The following LTBP2 variants were observed in gnomAD, a reference collection of about 807,000 sequenced individuals.
LTBP2 encodes latent transforming growth factor beta binding protein 2.
A neutral mutation model predicts 210.6 loss-of-function variants in LTBP2; 103 were observed. That is an observed-to-expected ratio of 0.49 (90% CI 0.42 to 0.58). The LOEUF (loss-of-function observed/expected upper bound fraction) is 0.58. Among genes scored for constraint, LTBP2 ranks in the 20% least tolerant of loss-of-function variants. The probability of loss-of-function intolerance (pLI) is 0.00; values close to 1 mark genes in which losing one functional copy is unlikely to be tolerated. For missense variants in LTBP2, 2,313 were observed against 2,494.5 expected (o/e 0.93, Z 1.55); for synonymous variants, 1,007 against 1,015.0 (o/e 0.99, Z 0.15).
At chr14:74,599,996 C>A (rs944005485) in intron 2 of LTBP2, among the ~76,000 whole-genome samples, 26 of 152,186 alleles carry the variant, frequency 1.7e-4, no homozygotes, top group African/African-American at 5.6e-4. Flanking sequence ...GAACATTCCC[C>A]AACATTGGCA....
intron 26 of LTBP2, 151 bp downstream of exon 26, chr14:74,507,028 G>T: frequency 6.5e-7 from 1 of 1,528,484 alleles, no homozygotes; most frequent in Non-Finnish European, 8.9e-7. Context: ...CAGTCCTGTG[G>T]CATCTTTCAT....
rs765474184 is a variant in LTBP2, at chr14:74,611,965, T to C, written c.-21A>G. 1.3e-5 allele frequency: 20 copies of C among 1,545,994 alleles called. No individual in the cohort carries two copies. Among genetic ancestry groups the C allele is most frequent in the Non-Finnish European group, 1.7e-5 (20 of 1,153,800 alleles). On this transcript the variant is annotated 5_prime_UTR_variant, in exon 1 of 36. Coordinates refer to ENST00000261978, the MANE Select transcript of LTBP2 (RefSeq NM_000428.3). ...CTCATGGCGCGGGGCGGCTGGAGAG[T>C]GGTGCGCGCGGGCACCGCGAAGAGC...
Position 74,509,273 on chromosome 14 carries a change from C to A in LTBP2, c.3368G>T (p.Gly1123Val), listed in dbSNP as rs777123454. 56 of 1,613,508 alleles carry A rather than the reference C, an allele frequency of 3.5e-5. No homozygotes were observed. Among genetic ancestry groups the A allele is most frequent in the Non-Finnish European group, 4.7e-5 (56 of 1,180,004 alleles). Residue 1123 changes from glycine to valine, a missense_variant, in exon 22 of 36, where the codon GGC becomes GTC. Physicochemically the swap from Gly to Val is moderately radical, Grantham distance 109. Coordinates refer to ENST00000261978, the MANE Select transcript of LTBP2 (RefSeq NM_000428.3). ...GTCACCCAGGGGGCTGGGCCGGTAG[C>A]CCCCATCGCAGTCCTTGCAGGAGAA... ...GSFSCKDCDGGYRPSPLGDSC... is the reference protein window; with the variant it reads ...GSFSCKDCDGVYRPSPLGDSC...
intron 31 of LTBP2, 113 bp from the exon 32 acceptor site, chr14:74,503,719 C>T: frequency 1.4e-6 from 2 of 1,455,538 alleles, no homozygotes; most frequent in Non-Finnish European, 1.8e-6. Flanking sequence ...CTGCCTCCCT[C>T]CCCTCAACCC....
chr14:74,583,121 G>A (rs2088159563), intron 3 of LTBP2, among the ~76,000 whole-genome samples: 1 of 152,148 alleles, frequency 6.6e-6, no homozygotes, highest in Non-Finnish European at 1.5e-5. Flanking sequence ...GACACTCCTG[G>A]CCTCTCCCTC....
intron 35 of LTBP2, among the ~76,000 whole-genome samples, 160 bp from the exon 36 acceptor site, chr14:74,501,189 C>A (rs553292919): frequency 9.2e-5 from 14 of 152,330 alleles, no homozygotes; most frequent in African/African-American, 3.4e-4. Context: ...AACTCAAGGA[C>A]AAAGCAGGGG....
chr14:74,538,381 AC>A (rs2087449846), intron 8 of LTBP2, among the ~76,000 whole-genome samples: 1 of 150,084 alleles, frequency 6.7e-6, no homozygotes, highest in Non-Finnish European at 1.5e-5. Context: ...ACATGGTAAG[AC>A]CCCCTGAGAA....
At chr14:74,552,012 G>T (rs1238729600) in intron 6 of LTBP2, among the ~76,000 whole-genome samples, 175 bp downstream of exon 6, 1 of 152,072 alleles carries the variant, frequency 6.6e-6, no homozygotes, top group South Asian at 2.1e-4. Context: ...ATGGGAGGGG[G>T]CTGAGAAGTT....
At chr14:74,542,540 GAC>G (rs1204870161) in intron 8 of LTBP2, among the ~76,000 whole-genome samples, 1 of 152,226 alleles carries the variant, frequency 6.6e-6, no homozygotes, top group East Asian at 1.9e-4. Context: ...TCTGCCCAGG[GAC>G]AGACACATAC....
intron 17 of LTBP2, among the ~76,000 whole-genome samples, chr14:74,521,447 G>C (rs2087201660): frequency 6.6e-6 from 1 of 152,096 alleles, no homozygotes; most frequent in African/African-American, 2.4e-5. Context: ...TCCCAGGGAA[G>C]TGCAAAGCCC....
At chr14:74,598,613 CT>C (rs1450727676) in intron 2 of LTBP2, among the ~76,000 whole-genome samples, 2 of 152,182 alleles carry the variant, frequency 1.3e-5, no homozygotes, top group Non-Finnish European at 2.9e-5. Flanking sequence ...AGCTAAACAT[CT>C]GACCTAAGTG....
At chr14:74,562,278 G>C (rs1222183652) in intron 3 of LTBP2, among the ~76,000 whole-genome samples, 2 of 152,060 alleles carry the variant, frequency 1.3e-5, no homozygotes, top group Admixed American at 6.5e-5. Context: ...GGGAAGCACA[G>C]GCCATGTTTG....
chr14:74,528,377 A>C, intron 12 of LTBP2, 106 bp downstream of exon 12: 1 of 1,297,794 alleles, frequency 7.7e-7, no homozygotes. Context: ...CTAATGCCAC[A>C]GAGATGGGAT....
intron 3 of LTBP2, among the ~76,000 whole-genome samples, chr14:74,563,821 T>C (rs974517455): frequency 4.6e-5 from 7 of 150,882 alleles, no homozygotes; most frequent in African/African-American, 1.7e-4. Flanking sequence ...TGGCCATTTA[T>C]GGAAGTCTGC....
intron 2 of LTBP2, among the ~76,000 whole-genome samples, chr14:74,603,276 C>T (rs2088474296): frequency 6.6e-6 from 1 of 152,108 alleles, no homozygotes; most frequent in Non-Finnish European, 1.5e-5. Context: ...TACAGGCACC[C>T]ATCAGCACGC....
At chr14:74,574,838 C>T (rs540013417) in intron 3 of LTBP2, among the ~76,000 whole-genome samples, 6 of 152,256 alleles carry the variant, frequency 3.9e-5, no homozygotes, top group African/African-American at 4.8e-5. Flanking sequence ...GCCAGATGTC[C>T]GCCTTCAGGC....
intron 15 of LTBP2, 125 bp from the exon 16 acceptor site, chr14:74,523,043 C>G: frequency 8.5e-7 from 1 of 1,179,960 alleles, no homozygotes; most frequent in Non-Finnish European, 1.2e-6. Context: ...TAGCCAGGCC[C>G]TCCCTCCCAT....
At chr14:74,518,823 G>A (rs1479410155) in intron 17 of LTBP2, among the ~76,000 whole-genome samples, 4 of 152,210 alleles carry the variant, frequency 2.6e-5, no homozygotes. Context: ...CGCTGTTATA[G>A]CTCTTCAGGC....
chr14:74,529,084 G>A lies in LTBP2; in HGVS notation c.2026C>T (p.Arg676Trp), dbSNP rs1436865679. 3.3e-5 allele frequency: 52 copies of A among 1,554,360 alleles called. No homozygotes were observed. Among genetic ancestry groups the A allele is most frequent in the Non-Finnish European group, 3.8e-5 (44 of 1,148,846 alleles). Residue 676 changes from arginine (R) to tryptophan (W), a missense_variant, in exon 11 of 36, where the codon CGG (arginine) becomes TGG (tryptophan). Arg to Trp is a moderately radical substitution (Grantham distance 101). Coordinates refer to ENST00000261978, the MANE Select transcript of LTBP2 (RefSeq NM_000428.3). Reference protein sequence around the residue: ...AISMLQGLCYRSLGPGTCTLP... With the variant: ...AISMLQGLCYWSLGPGTCTLP... ...GTGCAGGTGCCGGGCCCCAGCGACC[G>A]GTAGCACAGTCCCTGCAGCATGGAG...
Sources: allele counts gnomAD v4.1 joint callset (sites outside exome capture counted in the v4.1 genomes callset), GRCh38; gene constraint gnomAD v4.1.1; transcripts MANE v1.5; gene names NCBI Gene and HGNC (gene_info 2026-07-23, HGNC 2026-07-21).